ADAP2: variants seen among roughly 807,000 people sequenced by gnomAD.
The protein encoded by ADAP2 is ArfGAP with dual PH domains 2.
A neutral mutation model predicts 54.9 loss-of-function variants in ADAP2; 42 were observed. The observed-to-expected ratio is 0.77, with a 90% CI of 0.60 to 0.99. The LOEUF is 0.99. Among genes scored for constraint, ADAP2 ranks in the 50% least tolerant of loss-of-function variants. The pLI, the probability that ADAP2 is intolerant of heterozygous loss-of-function variation, is 0.00. For synonymous variants in ADAP2, 177 were observed against 180.1 expected (o/e 0.98, Z 0.14); for missense variants, 429 against 480.4 (o/e 0.89, Z 1.00).
Position 30,935,728 on chromosome 17 carries a change from A to G in ADAP2, c.510+1431A>G, listed in dbSNP as rs138201981. ...GCTAGGAGCTTTTTATGCAGTGCAC[A>G]AACGACTTAACCATAAGCTGCAACC... On this transcript the variant is annotated intron_variant, in intron 5 of 10. Transcript: ENST00000330889. 3.9e-3 allele frequency among the ~76,000 whole-genome samples: 597 copies of G among 152,344 alleles called. 6 individuals carry two copies. The highest frequency in any genetic ancestry group is 0.014 in the African/African-American group (576 of 41,578).
chr17:30,934,020 C>T (rs893381693), intron 4 of ADAP2, among the ~76,000 whole-genome samples, 165 bp from the exon 5 acceptor site: 3 of 152,174 alleles, frequency 2.0e-5, no homozygotes, highest in African/African-American at 7.2e-5. Flanking sequence ...AAGTTGGCCA[C>T]AGATGGGATC....
At chr17:30,953,548 T>A (rs542693249) in intron 8 of ADAP2, among the ~76,000 whole-genome samples, 198 bp downstream of exon 8, 4 of 152,204 alleles carry the variant, frequency 2.6e-5, no homozygotes, top group African/African-American at 4.8e-5. Context: ...CTTTTTTAAA[T>A]TTTTTTGAGA....
intron 4 of ADAP2, 40 bp from the exon 5 acceptor site, chr17:30,934,145 G>T (rs1192188626): frequency 6.5e-7 from 1 of 1,529,262 alleles, no homozygotes; most frequent in Non-Finnish European, 9.0e-7. Flanking sequence ...GTGATCTTAA[G>T]GTCACGTGTG....
chr17:30,954,387 C>A, intron 8 of ADAP2, 91 bp from the exon 9 acceptor site: 12 of 1,091,608 alleles, frequency 1.1e-5, no homozygotes, highest in Non-Finnish European at 1.7e-5. Flanking sequence ...TGGGACTGGC[C>A]AGCTCCTTTG....
Position 30,958,738 on chromosome 17 carries a change from A to T in ADAP2, c.*869A>T, listed in dbSNP as rs972421920. 6.6e-6 allele frequency: 1 copy of T among 152,204 alleles called. No individual in the cohort carries two copies. The highest frequency in any genetic ancestry group is 2.4e-5 in the African/African-American group (1 of 41,408). The allele number at this position is 152,204 out of a possible 1,614,324, so 9.4% of individuals were successfully genotyped here. A position where few individuals can be genotyped will look rare whatever the true frequency, so the allele number is the denominator to read the frequency against. On this transcript the variant is annotated 3_prime_UTR_variant, in exon 11 of 11. Transcript: ENST00000330889. ...GACCCCATCTCTACAAAGAAAAAAA[A>T]ATTAGCTGGACATGGTAATGAATGC...
chr17:30,946,833 C>T (rs1333556105), intron 6 of ADAP2, among the ~76,000 whole-genome samples: 1 of 152,184 alleles, frequency 6.6e-6, no homozygotes, highest in Non-Finnish European at 1.5e-5. Context: ...TGTGCCTCTG[C>T]TGTAGGAAGG....
chr17:30,944,840 T>C, intron 5 of ADAP2, 67 bp from the exon 6 acceptor site: 1 of 1,505,168 alleles, frequency 6.6e-7, no homozygotes, highest in Non-Finnish European at 9.0e-7. Context: ...ATGAAGGCCT[T>C]GGTGAAGGTT....
intron 4 of ADAP2, among the ~76,000 whole-genome samples, 157 bp downstream of exon 4, chr17:30,932,125 A>T (rs1457016017): frequency 6.6e-6 from 1 of 152,070 alleles, no homozygotes; most frequent in African/African-American, 2.4e-5. Flanking sequence ...CTTTGAAATA[A>T]CAACACATCA....
intron 6 of ADAP2, 41 bp downstream of exon 6, chr17:30,945,094 C>A (rs1912567187): frequency 6.2e-7 from 1 of 1,605,358 alleles, no homozygotes; most frequent in African/African-American, 1.3e-5. Context: ...CCAGCTCGCA[C>A]CCCAGGACTT....
In ADAP2 at chr17:30,931,932, G is replaced by A. The variant is rs1264614322; in HGVS notation, c.361G>A (p.Glu121Lys). The A allele has an allele frequency of 1.9e-6, 3 of 1,614,070 alleles. No homozygotes were observed. The highest frequency in any genetic ancestry group is 1.1e-5 in the South Asian group (1 of 91,084). Reference protein sequence around the residue: ...QWIRAKYERREFMADGETISL... With the variant: ...QWIRAKYERRKFMADGETISL... ...GATTCGAGCTAAGTATGAGAGACGGGAATTTATGGCTGATGGGGAAACCAT... is the reference window on the plus strand; with the variant it reads ...GATTCGAGCTAAGTATGAGAGACGGAAATTTATGGCTGATGGGGAAACCAT... Residue 121 changes from glutamate (E) to lysine (K), a missense_variant, in exon 4 of 11, where the codon GAA becomes AAA. Physicochemically the swap from Glu to Lys is moderately conservative, Grantham distance 56. Transcript: ENST00000330889.
In ADAP2 at chr17:30,922,967, G is replaced by A; in HGVS notation, c.122G>A (p.Gly41Glu). The change falls in exon 2 of 11, where the codon GGG becomes GAG. Residue 41 changes from glycine to glutamate, a missense_variant. Gly to Glu is a moderately conservative substitution (Grantham distance 98). Coordinates refer to ENST00000330889, the MANE Select transcript of ADAP2 (RefSeq NM_018404.3). The stretch of plus-strand genomic sequence containing the variant: ...CCCGACTGGGCCTCTTACAAGCTGG[G>A]GATCTTCATCTGTCTCAACTGCTGC... ...ADPDWASYKLGIFICLNCCGV... is the reference protein window; with the variant it reads ...ADPDWASYKLEIFICLNCCGV... 1 of 1,613,976 alleles carries A rather than the reference G, an allele frequency of 6.2e-7. No individual in the cohort carries two copies. Among genetic ancestry groups the A allele is most frequent in the Non-Finnish European group, 8.5e-7 (1 of 1,179,978 alleles).
At chr17:30,923,561 G>A (rs1598019997) in intron 2 of ADAP2, among the ~76,000 whole-genome samples, 2 of 151,358 alleles carry the variant, frequency 1.3e-5, no homozygotes, top group Admixed American at 6.6e-5. Flanking sequence ...ATCCTGAACC[G>A]CTCCTGGCCA....
At chr17:30,956,167 TG>T in intron 9 of ADAP2, 73 bp from the exon 10 acceptor site, 1 of 1,386,282 alleles carries the variant, frequency 7.2e-7, no homozygotes, top group Non-Finnish European at 1.0e-6. Flanking sequence ...AAATAAAGCT[TG>T]GAGGCTGTCA....
Position 30,934,160 on chromosome 17 carries a change from C to T in ADAP2, c.398-25C>T, listed in dbSNP as rs373475569. 2.6e-4 allele frequency: 421 copies of T among 1,589,102 alleles called. 1 individual carries two copies. Among genetic ancestry groups the T allele is most frequent in the Admixed American group, 8.4e-4 (50 of 59,784 alleles). On this transcript the variant is annotated intron_variant, in intron 4 of 10. Transcript: ENST00000330889. ...GTGATCTTAAGGTCACGTGTGTTCA[C>T]GCTTTGTCATCCTTGCTGCTTAAGG... is the stretch of plus-strand genomic sequence containing the variant.
At chr17:30,923,950 C>T (rs562294649) in intron 2 of ADAP2, among the ~76,000 whole-genome samples, 37 of 152,108 alleles carry the variant, frequency 2.4e-4, no homozygotes, top group African/African-American at 8.7e-4. Context: ...GTAATCCACC[C>T]TCCTCGGCCT....
chr17:30,958,196 T>C lies in ADAP2; in HGVS notation c.*327T>C, dbSNP rs529091805. 1.7e-4 allele frequency: 53 copies of C among 317,828 alleles called. No homozygotes were observed. Among genetic ancestry groups the C allele is most frequent in the African/African-American group, 1.0e-3 (48 of 46,366 alleles). 19.7% of individuals were successfully genotyped at this position (317,828 alleles called of 1,614,324 possible). A position where few individuals can be genotyped will look rare whatever the true frequency, so the allele number is the denominator to read the frequency against. On this transcript the variant is annotated 3_prime_UTR_variant, in exon 11 of 11. Coordinates refer to ENST00000330889, the MANE Select transcript of ADAP2 (RefSeq NM_018404.3). ...TTGCAATGAAAAGGCACCCACAGCA[T>C]CATGCAAGTGGCATCTTGTAAAAAA...
chr17:30,945,037 A>C lies in ADAP2; in HGVS notation c.641A>C (p.Tyr214Ser). ...GGCCACACCAGGAACCTGTTTGTGT[A>C]TCATGAAAGTGGGAAGGTGAGATGC... ...RDGHTRNLFV[Y>S]HESGKEIVDW... The change falls in exon 6 of 11, where the codon TAT (tyrosine) becomes TCT (serine). Residue 214 changes from tyrosine (Y) to serine (S), a missense_variant. Physicochemically the swap from Tyr to Ser is moderately radical, Grantham distance 144 (BLOSUM62 -2). Transcript: ENST00000330889. 3 of 1,613,974 alleles carry C rather than the reference A, an allele frequency of 1.9e-6. No individual in the cohort carries two copies. Among genetic ancestry groups the C allele is most frequent in the Non-Finnish European group, 2.5e-6 (3 of 1,179,966 alleles).
chr17:30,949,705 C>T (rs548709272), intron 7 of ADAP2, among the ~76,000 whole-genome samples: 62 of 148,074 alleles, frequency 4.2e-4, no homozygotes, highest in African/African-American at 1.0e-3. Context: ...GCCCAGATGG[C>T]GCCGCTGCAC....
intron 5 of ADAP2, among the ~76,000 whole-genome samples, chr17:30,940,535 C>A (rs894396035): frequency 6.6e-5 from 10 of 152,002 alleles, no homozygotes; most frequent in African/African-American, 2.4e-4. Flanking sequence ...GAACTCCTGA[C>A]CTCAAGTGAT....
Sources: gnomAD v4.1 joint callset for allele counts (sites outside exome capture counted in the v4.1 genomes callset) on GRCh38, gnomAD v4.1.1 for gene constraint, MANE v1.5 for transcripts, NCBI Gene and HGNC (gene_info 2026-07-23, HGNC 2026-07-21) for gene names.